The following HHLA1 variants were observed in gnomAD, a reference collection of about 807,000 sequenced individuals.
HHLA1 encodes HERV-H LTR-associating protein 1.
HHLA1 carries 72 observed loss-of-function variants against 69.9 expected under a neutral mutation model. That is an observed-to-expected ratio of 1.03 (90% confidence interval 0.85 to 1.25). HHLA1 has a LOEUF of 1.25. Among genes scored for constraint, HHLA1 ranks in the 50% most tolerant of loss-of-function variants. HHLA1 has a pLI of 0.00. For synonymous variants in HHLA1, 252 were observed against 233.2 expected, an observed-to-expected ratio of 1.08 and a Z score of -0.73; for missense variants, 685 against 642.2, an observed-to-expected ratio of 1.07 and a Z score of -0.72.
At chr8:132,088,991 T>C (rs1288255369) in intron 8 of HHLA1, among the ~76,000 whole-genome samples, 2 of 152,218 alleles carry the variant, frequency 1.3e-5, no homozygotes, top group African/African-American at 2.4e-5. Context: ...GTCTTTCTGC[T>C]GAGACCAGTT....
chr8:132,074,465 A>G (rs1197836873), intron 14 of HHLA1, among the ~76,000 whole-genome samples: 1 of 152,188 alleles, frequency 6.6e-6, no homozygotes, highest in African/African-American at 2.4e-5. Flanking sequence ...TTCCTGAATG[A>G]GATATTACCT....
chr8:132,072,014 G>T (rs934969297), intron 14 of HHLA1, among the ~76,000 whole-genome samples: 2 of 152,140 alleles, frequency 1.3e-5, no homozygotes, highest in Non-Finnish European at 2.9e-5. Flanking sequence ...ACGTGCATGT[G>T]TATGTGAGTG....
chr8:132,068,506 T>C (rs1257699089), intron 15 of HHLA1, among the ~76,000 whole-genome samples: 2 of 152,236 alleles, frequency 1.3e-5, no homozygotes, highest in Non-Finnish European at 2.9e-5. Context: ...GGCATTTCCT[T>C]GCAGAAAAGG....
chr8:132,096,437 G>A (rs1554618140), intron 5 of HHLA1, among the ~76,000 whole-genome samples: 1 of 152,180 alleles, frequency 6.6e-6, no homozygotes, highest in Non-Finnish European at 1.5e-5. Context: ...GACATATAAA[G>A]TAGTATTCAC....
chr8:132,087,917 G>C lies in HHLA1; in HGVS notation c.533-16C>G, dbSNP rs1316106874. The C allele has an allele frequency of 1.3e-6, 2 of 1,543,570 alleles. No homozygotes were observed. The highest frequency in any genetic ancestry group is 8.8e-7 in the Non-Finnish European group (1 of 1,139,598). ...CTTTGATTCACTGTAAGACAAACGA[G>C]TATACAATAAGACTTAGCCATGGGT... On this transcript the variant is annotated splice_polypyrimidine_tract_variant and intron_variant, in intron 8 of 16. Coordinates refer to ENST00000414222, the MANE Select transcript of HHLA1 (RefSeq NM_001145095.3).
At position 132,065,894 on chromosome 8, in the gene HHLA1, T is replaced by G; in HGVS notation, c.1544A>C (p.His515Pro). Residue 515 changes from histidine (H) to proline (P), a missense_variant, in exon 16 of 17, where the codon CAC becomes CCC. His to Pro is a moderately conservative substitution (Grantham distance 77). Coordinates refer to ENST00000414222, the MANE Select transcript of HHLA1 (RefSeq NM_001145095.3). ...YICQRVKRVS[H>P]SHTLKQKCLE... The stretch of plus-strand genomic sequence containing the variant: ...TCAAGCTGTGTACTTACTGTGCGAG[T>G]GGGACACCCTTTTCACCCTCTGACA... The G allele has an allele frequency of 1.5e-6, 2 of 1,298,388 alleles. 1 individual carries two copies. Among genetic ancestry groups the G allele is most frequent in the South Asian group, 2.5e-5 (2 of 80,880 alleles). The allele number at this position is 1,298,388 out of a possible 1,614,324, so 80.4% of individuals were successfully genotyped here. A position where few individuals can be genotyped will look rare whatever the true frequency, so the allele number is the denominator to read the frequency against.
chr8:132,086,709 C>T (rs1823870420), intron 10 of HHLA1, among the ~76,000 whole-genome samples: 1 of 152,158 alleles, frequency 6.6e-6, no homozygotes, highest in Non-Finnish European at 1.5e-5. Flanking sequence ...TCCTGAGAAT[C>T]GGGCAGGTGA....
rs1029858779 is a variant in HHLA1, at chr8:132,076,521, CTG to C, written c.1192_1193del (p.Gln398AspfsTer17). 22 of 1,482,506 alleles carry C rather than the reference CTG, an allele frequency of 1.5e-5. No homozygotes were observed. The highest frequency in any genetic ancestry group is 2.0e-5 in the Non-Finnish European group (22 of 1,107,716). 91.8% of individuals were successfully genotyped at this position (1,482,506 alleles called of 1,614,324 possible). On this transcript the variant is annotated frameshift_variant, in exon 13 of 17. Coordinates refer to ENST00000414222, the MANE Select transcript of HHLA1 (RefSeq NM_001145095.3). LOFTEE classifies it high-confidence loss of function. ...CTGTTGCCTTGGTTGGACTCGGAGT[CTG>C]TGTGCCATGGGTGAATGCTCCTGGG... ...PTLGAFTHGT[Q>X]TPSPTKATAP...
At position 132,064,050 on chromosome 8, in the gene HHLA1, G is replaced by A. The variant is rs866319702; in HGVS notation, c.1553-12C>T. ...CTTTTGCTTTAAGGCTGAAAAAAAA[G>A]CAGAAGAAGAAGGAACTCAAGGTAC... On this transcript the variant is annotated splice_polypyrimidine_tract_variant and intron_variant, in intron 16 of 16. Transcript: ENST00000414222. The A allele has an allele frequency of 1.3e-5, 17 of 1,301,192 alleles. No individual in the cohort carries two copies. In the Middle Eastern group the frequency reaches 2.1e-3, roughly 164 times the overall value. 80.6% of individuals were successfully genotyped at this position (1,301,192 alleles called of 1,614,324 possible). A position where few individuals can be genotyped will look rare whatever the true frequency, so the allele number is the denominator to read the frequency against.
chr8:132,102,640 G>A (rs2436097), intron 3 of HHLA1, among the ~76,000 whole-genome samples: 30,359 of 152,152 alleles, frequency 0.2, 3,596 homozygotes, highest in Middle Eastern at 0.31. Flanking sequence ...ACCTGCCAAG[G>A]CAACAGAGTC....
At chr8:132,100,187 C>G in intron 3 of HHLA1, 53 bp from the exon 4 acceptor site, 1 of 1,341,088 alleles carries the variant, frequency 7.5e-7, no homozygotes, top group Non-Finnish European at 1.0e-6. Context: ...AGTTCCTACC[C>G]CCAGGAATGG....
chr8:132,070,324 A>T, intron 15 of HHLA1: 1 of 702,020 alleles, frequency 1.4e-6, no homozygotes, highest in South Asian at 1.5e-5. Context: ...CTGCTTTTTA[A>T]TTTAAGTTTT....
At chr8:132,065,484 A>T (rs111978915) in intron 16 of HHLA1, among the ~76,000 whole-genome samples, 1 of 152,140 alleles carries the variant, frequency 6.6e-6, no homozygotes. Context: ...GGGTTTCACC[A>T]TGTTAGCCAG....
chr8:132,099,053 T>C, intron 4 of HHLA1, 91 bp from the exon 5 acceptor site: 5 of 987,804 alleles, frequency 5.1e-6, no homozygotes, highest in Middle Eastern at 2.1e-4. Flanking sequence ...GATATTCAAC[T>C]TCTTTGCACA....
At chr8:132,107,295 A>G (rs1238777214) in intron 1 of HHLA1, among the ~76,000 whole-genome samples, 1 of 152,022 alleles carries the variant, frequency 6.6e-6, no homozygotes, top group East Asian at 1.9e-4. Flanking sequence ...TCTAAGATTT[A>G]TTTATTTTTA....
At chr8:132,079,212 A>G (rs191698146) in intron 11 of HHLA1, among the ~76,000 whole-genome samples, 123 of 152,302 alleles carry the variant, frequency 8.1e-4, no homozygotes, top group Admixed American at 2.6e-3. Context: ...CAGCTTTCCC[A>G]CTGGTGTTAA....
intron 11 of HHLA1, 108 bp downstream of exon 11, chr8:132,079,610 A>T: frequency 8.2e-7 from 1 of 1,214,272 alleles, no homozygotes; most frequent in South Asian, 1.6e-5. Flanking sequence ...GCGTAACTTC[A>T]GTTGGTGGAG....
At chr8:132,083,942 A>T (rs55901563) in intron 10 of HHLA1, among the ~76,000 whole-genome samples, 96,135 of 148,294 alleles carry the variant, frequency 0.65, 31,182 homozygotes, top group South Asian at 0.74. Flanking sequence ...TGGGTGATAA[A>T]ATGTATTTTG....
chr8:132,089,484 A>G, intron 8 of HHLA1, 32 bp downstream of exon 8: 3 of 1,180,332 alleles, frequency 2.5e-6, no homozygotes, highest in Non-Finnish European at 3.7e-6. Context: ...CTAAACCTCA[A>G]AGTTGCCAAA....
Sources: gnomAD v4.1 joint callset for allele counts (sites outside exome capture counted in the v4.1 genomes callset) on GRCh38, gnomAD v4.1.1 for gene constraint, MANE v1.5 for transcripts, NCBI Gene and HGNC (gene_info 2026-07-23, HGNC 2026-07-21) for gene names.